Variants in LYPD6B observed in about 807,000 individuals in gnomAD.
The protein encoded by LYPD6B is LY6/PLAUR domain containing 6B.
LYPD6B carries 17 observed loss-of-function variants against 22.8 expected under a neutral mutation model. The ratio of observed to expected loss-of-function variants is 0.75; its 90% CI spans 0.51 to 1.12. The LOEUF (loss-of-function observed/expected upper bound fraction) is 1.12. Ranked by LOEUF, LYPD6B falls within the 50% of genes most tolerant of loss-of-function variation. LYPD6B has a pLI of 0.00. For synonymous variants in LYPD6B, 106 were observed against 91.6 expected, an observed-to-expected ratio of 1.16 and a Z score of -0.90; for missense variants, 221 against 258.3, an observed-to-expected ratio of 0.86 and a Z score of 0.99.
At chr2:149,104,198 G>A (rs1686355845) in intron 1 of LYPD6B, among the ~76,000 whole-genome samples, 1 of 152,180 alleles carries the variant, frequency 6.6e-6, no homozygotes, top group African/African-American at 2.4e-5. Flanking sequence ...CTATTACAAA[G>A]AAAGCTTGTA....
chr2:149,212,524 C>T (rs546948502), intron 5 of LYPD6B, among the ~76,000 whole-genome samples: 1 of 151,930 alleles, frequency 6.6e-6, no homozygotes, highest in African/African-American at 2.4e-5. Context: ...ACCACATGGC[C>T]TATTAGTATA....
At chr2:149,068,933 G>T (rs937043795) in intron 1 of LYPD6B, 15 of 257,662 alleles carry the variant, frequency 5.8e-5, no homozygotes, top group Non-Finnish European at 8.7e-5. Context: ...GGTCTTCTAA[G>T]AAACATTTCT....
chr2:149,094,613 T>A (rs1685818024), intron 1 of LYPD6B, among the ~76,000 whole-genome samples: 1 of 152,214 alleles, frequency 6.6e-6, no homozygotes, highest in Non-Finnish European at 1.5e-5. Context: ...CATTAGCTCT[T>A]AGACAGATTC....
At chr2:149,137,728 C>A (rs1040454241) in intron 2 of LYPD6B, among the ~76,000 whole-genome samples, 1 of 151,892 alleles carries the variant, frequency 6.6e-6, no homozygotes, top group African/African-American at 2.4e-5. Context: ...CTTTCATAAA[C>A]AACACATCTG....
intron 1 of LYPD6B, among the ~76,000 whole-genome samples, chr2:149,128,149 A>G (rs996738106): frequency 1.3e-5 from 2 of 152,158 alleles, no homozygotes; most frequent in African/African-American, 4.8e-5. Context: ...TTCTTCTTGG[A>G]AATGATGTTG....
intron 1 of LYPD6B, among the ~76,000 whole-genome samples, chr2:149,114,397 G>A (rs1320195576): frequency 6.6e-6 from 1 of 152,178 alleles, no homozygotes; most frequent in Non-Finnish European, 1.5e-5. Flanking sequence ...AACCCCCAGT[G>A]CAGTTCTTCC....
At chr2:149,165,854 T>C (rs1021003675) in intron 3 of LYPD6B, among the ~76,000 whole-genome samples, 1 of 152,170 alleles carries the variant, frequency 6.6e-6, no homozygotes, top group African/African-American at 2.4e-5. Context: ...GTGGTTTTTC[T>C]AGAGACAGGG....
chr2:149,098,753 C>T (rs1458197946), intron 1 of LYPD6B, among the ~76,000 whole-genome samples: 1 of 144,018 alleles, frequency 6.9e-6, no homozygotes, highest in Non-Finnish European at 1.5e-5. Flanking sequence ...CGTATATATA[C>T]ATGTGCTTTT....
intron 3 of LYPD6B, among the ~76,000 whole-genome samples, chr2:149,191,393 A>C (rs1431491288): frequency 6.6e-6 from 1 of 152,092 alleles, no homozygotes; most frequent in Admixed American, 6.6e-5. Flanking sequence ...GTATGTATCC[A>C]ACCATATTTT....
At chr2:149,082,867 T>G (rs1685199964) in intron 1 of LYPD6B, among the ~76,000 whole-genome samples, 1 of 152,156 alleles carries the variant, frequency 6.6e-6, no homozygotes, top group South Asian at 2.1e-4. Flanking sequence ...CCTGACTGGG[T>G]ACAGCCATAA....
chr2:149,046,980 A>G (rs1394525293), intron 1 of LYPD6B, among the ~76,000 whole-genome samples: 1 of 152,206 alleles, frequency 6.6e-6, no homozygotes. Flanking sequence ...TTACAAATGT[A>G]TTTCAAAAAA....
At chr2:149,213,248 A>G in intron 6 of LYPD6B, 126 bp downstream of exon 6, 3 of 1,288,592 alleles carry the variant, frequency 2.3e-6, no homozygotes, top group Non-Finnish European at 2.1e-6. Flanking sequence ...AAGACTCCAT[A>G]CAAAGATAAA....
At chr2:149,088,031 G>GCCTTCATAAACACAGGATTCGTA (rs1396212755) in intron 1 of LYPD6B, among the ~76,000 whole-genome samples, 12 of 151,926 alleles carry the variant, frequency 7.9e-5, no homozygotes, top group African/African-American at 2.9e-4. Context: ...TCCACATTCG[G>GCCTTCATAAACACAGGATTCGTA]CCTTCATAAA....
chr2:149,207,840 G>A (rs1693598203), intron 4 of LYPD6B, among the ~76,000 whole-genome samples: 1 of 151,988 alleles, frequency 6.6e-6, no homozygotes, highest in Non-Finnish European at 1.5e-5. Context: ...TGCAAGTCAT[G>A]GGGATCTTCA....
chr2:149,171,997 T>G (rs932307586), intron 3 of LYPD6B, among the ~76,000 whole-genome samples: 1 of 152,156 alleles, frequency 6.6e-6, no homozygotes, highest in Admixed American at 6.5e-5. Flanking sequence ...GCCTCTGTAT[T>G]AGTTTGTTAT....
chr2:149,079,019 T>A (rs182127015), intron 1 of LYPD6B, among the ~76,000 whole-genome samples: 1,611 of 149,888 alleles, frequency 0.011, 35 homozygotes, highest in African/African-American at 0.038. Context: ...TTTTTTTTTT[T>A]AAATGCTTAT....
At chr2:149,211,288 T>A (rs1693836687) in intron 5 of LYPD6B, among the ~76,000 whole-genome samples, 1 of 152,164 alleles carries the variant, frequency 6.6e-6, no homozygotes, top group African/African-American at 2.4e-5. Flanking sequence ...ACTCAAACCA[T>A]ATCAATTGCC....
chr2:149,167,081 C>T, intron 3 of LYPD6B, among the ~76,000 whole-genome samples: 1 of 150,662 alleles, frequency 6.6e-6, no homozygotes, highest in Non-Finnish European at 1.5e-5. Context: ...TGTGGATGCT[C>T]ACTTTCCTCG....
chr2:149,100,034 T>C (rs1686116526), intron 1 of LYPD6B, among the ~76,000 whole-genome samples: 2 of 152,214 alleles, frequency 1.3e-5, no homozygotes, highest in Non-Finnish European at 2.9e-5. Flanking sequence ...TTCATGTTTT[T>C]GTTCTAAAGA....
Sources: gnomAD v4.1 joint callset for allele counts (sites outside exome capture counted in the v4.1 genomes callset) on GRCh38, gnomAD v4.1.1 for gene constraint, MANE v1.5 for transcripts, NCBI Gene and HGNC (gene_info 2026-07-23, HGNC 2026-07-21) for gene names.